The following ST6GAL1 variants were observed in gnomAD, a reference collection of about 807,000 sequenced individuals.
ST6GAL1 encodes ST6 beta-galactoside alpha-2,6-sialyltransferase 1, also known as beta-galactoside alpha-2,6-sialyltransferase 1.
A neutral mutation model predicts 38.0 loss-of-function variants in ST6GAL1; 20 were observed. The ratio of observed to expected loss-of-function variants is 0.53; its 90% CI spans 0.37 to 0.77. The LOEUF (loss-of-function observed/expected upper bound fraction) is 0.77, where lower values mean the gene tolerates loss of function less well. ST6GAL1 is among the 30% of genes least tolerant of loss of function. The probability of loss-of-function intolerance (pLI) is 0.00; values close to 1 mark genes in which losing one functional copy is unlikely to be tolerated. For missense variants in ST6GAL1, 432 were observed against 496.4 expected, an observed-to-expected ratio of 0.87 and a Z score of 1.23; for synonymous variants, 196 against 188.2, an observed-to-expected ratio of 1.04 and a Z score of -0.34.
intron 2 of ST6GAL1, among the ~76,000 whole-genome samples, chr3:187,027,293 G>T (rs765355609): frequency 2.0e-4 from 30 of 152,202 alleles, no homozygotes; most frequent in East Asian, 9.7e-4. Flanking sequence ...CTTCTCTGCA[G>T]ATCTCACTTT....
intron 2 of ST6GAL1, among the ~76,000 whole-genome samples, chr3:186,980,107 G>A (rs1182677825): frequency 6.6e-6 from 1 of 152,192 alleles, no homozygotes; most frequent in Non-Finnish European, 1.5e-5. Flanking sequence ...ATCAGATCAT[G>A]GATCCTGATA....
intron 2 of ST6GAL1, among the ~76,000 whole-genome samples, chr3:187,016,885 C>T (rs1435511274): frequency 2.0e-5 from 3 of 152,170 alleles, no homozygotes; most frequent in Admixed American, 2.0e-4. Flanking sequence ...AAGATCACCA[C>T]GTGGGGAGGA....
chr3:187,036,621 C>T (rs1359487154), intron 2 of ST6GAL1, among the ~76,000 whole-genome samples: 2 of 152,154 alleles, frequency 1.3e-5, no homozygotes, highest in African/African-American at 2.4e-5. Context: ...AGCTGGAAGC[C>T]ATTATCCTAA....
chr3:186,936,491 T>G (rs2108512976), intron 1 of ST6GAL1, among the ~76,000 whole-genome samples: 1 of 152,320 alleles, frequency 6.6e-6, no homozygotes, highest in African/African-American at 2.4e-5. Flanking sequence ...ATAGATGTAT[T>G]TTTGATAGGC....
chr3:187,013,053 T>C (rs537195566), intron 2 of ST6GAL1, among the ~76,000 whole-genome samples: 163 of 152,316 alleles, frequency 1.1e-3, no homozygotes, highest in African/African-American at 3.8e-3. Flanking sequence ...ATCTTGATGA[T>C]CACACAAAAA....
intron 2 of ST6GAL1, among the ~76,000 whole-genome samples, chr3:186,970,155 A>G (rs550184732): frequency 3.4e-4 from 51 of 151,816 alleles, no homozygotes; most frequent in African/African-American, 1.2e-3. Flanking sequence ...TCTTGTGTGT[A>G]GGTTAGTATA....
chr3:187,058,632 TTTATTA>T (rs140207844), intron 5 of ST6GAL1, among the ~76,000 whole-genome samples: 15 of 149,772 alleles, frequency 1.0e-4, no homozygotes, highest in African/African-American at 3.0e-4. Context: ...TGGTATTACT[TTTATTA>T]TTATTATTAT....
chr3:186,948,507 T>C (rs1184837742), intron 1 of ST6GAL1, among the ~76,000 whole-genome samples: 1 of 150,604 alleles, frequency 6.6e-6, no homozygotes, highest in Non-Finnish European at 1.5e-5. Context: ...CCTGGTATGC[T>C]CTTGGGGGTT....
At chr3:186,966,972 A>T (rs1298981320) in intron 2 of ST6GAL1, among the ~76,000 whole-genome samples, 1 of 151,720 alleles carries the variant, frequency 6.6e-6, no homozygotes, top group African/African-American at 2.4e-5. Context: ...CAAATATCTC[A>T]GCTTGTTTGG....
chr3:187,016,138 G>T (rs1579323828), intron 2 of ST6GAL1, among the ~76,000 whole-genome samples: 1 of 152,258 alleles, frequency 6.6e-6, no homozygotes, highest in African/African-American at 2.4e-5. Context: ...GACCCAGCAG[G>T]TGCTTCATGC....
At chr3:186,963,735 T>C (rs551148349) in intron 1 of ST6GAL1, 50 bp from the exon 2 acceptor site, 1 of 152,410 alleles carries the variant, frequency 6.6e-6, no homozygotes, top group South Asian at 2.1e-4. Flanking sequence ...TATTAACGTA[T>C]GTGCTTCTGG....
At chr3:187,069,987 C>A (rs148224839) in intron 5 of ST6GAL1, among the ~76,000 whole-genome samples, 1 of 152,140 alleles carries the variant, frequency 6.6e-6, no homozygotes. Flanking sequence ...GTGGGTTTGC[C>A]GTTCTCAGCA....
At chr3:186,973,714 T>C (rs1459459610) in intron 2 of ST6GAL1, among the ~76,000 whole-genome samples, 3 of 152,188 alleles carry the variant, frequency 2.0e-5, no homozygotes, top group African/African-American at 7.2e-5. Context: ...CCTAACTCTT[T>C]GCCTCTCCTC....
chr3:187,041,449 A>G (rs1392691089), intron 3 of ST6GAL1, among the ~76,000 whole-genome samples: 1 of 152,252 alleles, frequency 6.6e-6, no homozygotes, highest in Non-Finnish European at 1.5e-5. Flanking sequence ...TCCAAAAGAT[A>G]CAGACATTAT....
chr3:186,987,291 AG>A (rs1187239497), intron 2 of ST6GAL1, among the ~76,000 whole-genome samples: 2 of 152,200 alleles, frequency 1.3e-5, no homozygotes, highest in African/African-American at 2.4e-5. Context: ...AAGGTTAGTA[AG>A]TATCTTATGT....
chr3:187,025,013 G>GTGTGTGTGTGTGTCTGTGTGTC (rs1441343688), intron 2 of ST6GAL1, among the ~76,000 whole-genome samples: 18 of 151,398 alleles, frequency 1.2e-4, no homozygotes, highest in African/African-American at 2.9e-4. Context: ...GTGTGTGTGT[G>GTGTGTGTGTGTGTCTGTGTGTC]TGTGTGTCTG....
At chr3:186,980,788 GAAGTC>G (rs1250721092) in intron 2 of ST6GAL1, among the ~76,000 whole-genome samples, 2 of 146,876 alleles carry the variant, frequency 1.4e-5, no homozygotes, top group African/African-American at 5.0e-5. Flanking sequence ...AAAAAAGATA[GAAGTC>G]AAGGGGAAAT....
At chr3:187,005,307 G>C (rs1379850273) in intron 2 of ST6GAL1, among the ~76,000 whole-genome samples, 2 of 122,048 alleles carry the variant, frequency 1.6e-5, no homozygotes, top group East Asian at 2.4e-4. Context: ...CGGAGTCTTC[G>C]CTGTTTCGCC....
chr3:187,022,437 C>T (rs956551297), intron 2 of ST6GAL1, among the ~76,000 whole-genome samples: 2 of 152,208 alleles, frequency 1.3e-5, no homozygotes, highest in African/African-American at 2.4e-5. Context: ...CTAACAGTAG[C>T]TGAGAGAGTC....
Sources: allele counts gnomAD v4.1 joint callset (sites outside exome capture counted in the v4.1 genomes callset), GRCh38; gene constraint gnomAD v4.1.1; transcripts MANE v1.5; gene names NCBI Gene and HGNC (gene_info 2026-07-23, HGNC 2026-07-21).